Variants in CCDC93 observed in about 807,000 individuals in gnomAD.
CCDC93 encodes CCC complex scaffolding subunit CCDC93, also known as coiled-coil domain-containing protein 93.
Under a neutral mutation model 108.2 loss-of-function variants are expected in CCDC93, and 61 were observed. The observed-to-expected ratio is 0.56, with a 90% CI of 0.46 to 0.70. CCDC93 has a LOEUF of 0.70. Ranked by LOEUF, CCDC93 falls within the 30% of genes least tolerant of loss-of-function variation. The probability of loss-of-function intolerance (pLI) is 0.00; values close to 1 mark genes in which losing one functional copy is unlikely to be tolerated. For missense variants in CCDC93, 685 were observed against 764.2 expected, an observed-to-expected ratio of 0.90 and a Z score of 1.22; for synonymous variants, 276 against 260.4, an observed-to-expected ratio of 1.06 and a Z score of -0.58.
chr2:117,948,711 T>A (rs1167063528), intron 14 of CCDC93, among the ~76,000 whole-genome samples: 1 of 152,260 alleles, frequency 6.6e-6, no homozygotes, highest in Non-Finnish European at 1.5e-5. Flanking sequence ...AAACAAGCAC[T>A]GCTCATTCTG....
At chr2:117,969,558 C>G (rs2104773913) in intron 11 of CCDC93, among the ~76,000 whole-genome samples, 1 of 152,334 alleles carries the variant, frequency 6.6e-6, no homozygotes, top group East Asian at 1.9e-4. Context: ...AAAGCAGCCC[C>G]TGACGTCTGA....
chr2:117,988,082 T>C (rs1680371409), intron 6 of CCDC93, among the ~76,000 whole-genome samples: 1 of 151,832 alleles, frequency 6.6e-6, no homozygotes, highest in Admixed American at 6.6e-5. Context: ...TTCATCACCC[T>C]TTATCTAGGT....
intron 6 of CCDC93, among the ~76,000 whole-genome samples, chr2:117,994,357 G>C (rs1459251498): frequency 6.6e-6 from 1 of 152,060 alleles, no homozygotes; most frequent in Non-Finnish European, 1.5e-5. Flanking sequence ...CACCAAATCT[G>C]AAAACAGTAT....
intron 17 of CCDC93, among the ~76,000 whole-genome samples, chr2:117,945,051 T>C (rs1678823419): frequency 6.6e-6 from 1 of 152,236 alleles, no homozygotes; most frequent in South Asian, 2.1e-4. Flanking sequence ...CACAGCCATG[T>C]CCATTCATTT....
At chr2:117,950,110 CA>C in intron 13 of CCDC93, 1 of 985,350 alleles carries the variant, frequency 1.0e-6, no homozygotes, top group Non-Finnish European at 1.2e-6. Flanking sequence ...CTGATCTCAG[CA>C]AACAGTAGGT....
chr2:117,972,621 T>TTC (rs1553455982), intron 11 of CCDC93, among the ~76,000 whole-genome samples: 4 of 151,764 alleles, frequency 2.6e-5, no homozygotes, highest in African/African-American at 9.7e-5. Context: ...TTTTTTTTTT[T>TTC]CTGAAAAACT....
intron 11 of CCDC93, among the ~76,000 whole-genome samples, chr2:117,967,825 C>G (rs1679637009): frequency 6.6e-6 from 1 of 152,140 alleles, no homozygotes; most frequent in South Asian, 2.1e-4. Flanking sequence ...AGGTGGTCCA[C>G]AGCCACATAA....
At chr2:117,966,315 G>A (rs1257896537) in intron 11 of CCDC93, among the ~76,000 whole-genome samples, 2 of 152,226 alleles carry the variant, frequency 1.3e-5, no homozygotes, top group African/African-American at 4.8e-5. Flanking sequence ...CACTGATGGA[G>A]GAAGGGGGCA....
intron 23 of CCDC93, among the ~76,000 whole-genome samples, chr2:117,929,327 G>A (rs1168638308): frequency 6.6e-6 from 1 of 152,168 alleles, no homozygotes; most frequent in Non-Finnish European, 1.5e-5. Context: ...TTGGACTGAA[G>A]GAAAGAGGCC....
intron 23 of CCDC93, among the ~76,000 whole-genome samples, chr2:117,920,960 G>T (rs549321425): frequency 9.8e-4 from 149 of 152,186 alleles, no homozygotes; most frequent in African/African-American, 3.4e-3. Context: ...GAGGCAGGCG[G>T]ATCATGAGGT....
chr2:117,969,557 CCT>C (rs1679694235), intron 11 of CCDC93, among the ~76,000 whole-genome samples: 1 of 152,190 alleles, frequency 6.6e-6, no homozygotes, highest in Non-Finnish European at 1.5e-5. Context: ...AAAAGCAGCC[CCT>C]GACGTCTGAA....
chr2:117,974,510 C>G (rs1187699308), intron 10 of CCDC93, among the ~76,000 whole-genome samples: 1 of 152,160 alleles, frequency 6.6e-6, no homozygotes, highest in East Asian at 1.9e-4. Flanking sequence ...AATCCCGCTT[C>G]CTACCTAGAT....
chr2:117,957,526 A>G (rs1679258241), intron 12 of CCDC93, among the ~76,000 whole-genome samples: 1 of 152,190 alleles, frequency 6.6e-6, no homozygotes, highest in Admixed American at 6.5e-5. Context: ...AAGTCCAGTT[A>G]ATTCATGCTC....
intron 12 of CCDC93, among the ~76,000 whole-genome samples, chr2:117,953,490 G>A (rs1679124069): frequency 1.3e-5 from 2 of 152,058 alleles, no homozygotes; most frequent in East Asian, 1.9e-4. Context: ...GGGTACTCTG[G>A]GAAAAAGTTT....
rs758476502 is a variant in CCDC93, at chr2:117,975,249, C to T, written c.689G>A (p.Gly230Glu). The T allele has an allele frequency of 3.1e-6, 5 of 1,613,624 alleles. No homozygotes were observed. In the African/African-American group the frequency reaches 5.3e-5, roughly 17 times the overall value. Residue 230 changes from glycine to glutamate, a missense_variant, in exon 9 of 24, where the codon GGG becomes GAG. Coordinates refer to ENST00000376300, the MANE Select transcript of CCDC93 (RefSeq NM_019044.5). The part of the protein sequence containing the change: ...AEDKKTALPA[G>E]LSATEKADAH... Reference sequence around the variant, plus strand: ...ATCAGCTTTTTCTGTAGCTGACAGCCCTGCTGGAAGTGCCGTTTTCTTGTC... The same window carrying T: ...ATCAGCTTTTTCTGTAGCTGACAGCTCTGCTGGAAGTGCCGTTTTCTTGTC...
At chr2:118,013,835 G>A (rs749693757) in intron 1 of CCDC93, 119 bp downstream of exon 1, 23 of 874,430 alleles carry the variant, frequency 2.6e-5, no homozygotes, top group Non-Finnish European at 3.9e-5. Flanking sequence ...AGGTGGATAC[G>A]CCTGAGGAAG....
At position 117,986,141 on chromosome 2, in the gene CCDC93, C is replaced by T. The variant is rs191925915; in HGVS notation, c.520-72G>A. 126 of 751,072 alleles carry T rather than the reference C, an allele frequency of 1.7e-4. 1 individual carries two copies. In the African/African-American group the frequency reaches 2.1e-3, roughly 13 times the overall value. 46.5% of individuals were successfully genotyped at this position (751,072 alleles called of 1,614,324 possible). A position where few individuals can be genotyped will look rare whatever the true frequency, so the allele number is the denominator to read the frequency against. Reference sequence around the variant, plus strand: ...TCCTGAATTGGCTGCTGGATGCCTCCAGCCATGGGGTATATTCTCTTTTTT... The same window carrying T: ...TCCTGAATTGGCTGCTGGATGCCTCTAGCCATGGGGTATATTCTCTTTTTT... On this transcript the variant is annotated intron_variant, in intron 6 of 23. Coordinates refer to ENST00000376300, the MANE Select transcript of CCDC93 (RefSeq NM_019044.5).
chr2:117,999,609 T>C (rs1028450243), intron 4 of CCDC93: 1 of 152,166 alleles, frequency 6.6e-6, no homozygotes, highest in Non-Finnish European at 1.5e-5. Context: ...TCCCAAGGAA[T>C]CTGTGGTGGA....
chr2:117,969,001 TC>T (rs1406353552), intron 11 of CCDC93, among the ~76,000 whole-genome samples: 3 of 152,172 alleles, frequency 2.0e-5, no homozygotes, highest in African/African-American at 7.2e-5. Context: ...GGTAGACAAC[TC>T]TACAATGGCC....
Sources: gnomAD v4.1 joint callset for allele counts (sites outside exome capture counted in the v4.1 genomes callset) on GRCh38, gnomAD v4.1.1 for gene constraint, MANE v1.5 for transcripts, NCBI Gene and HGNC (gene_info 2026-07-23, HGNC 2026-07-21) for gene names.